The following EIF4A3 variants were observed in gnomAD, a reference collection of about 807,000 sequenced individuals.
The protein encoded by EIF4A3 is eukaryotic initiation factor 4A-III.
In EIF4A3, 1 loss-of-function variant was observed where a neutral mutation model predicts 55.6. The ratio of observed to expected loss-of-function variants is 0.02; its 90% confidence interval spans 0.01 to 0.09. EIF4A3 has a LOEUF of 0.09. EIF4A3 is among the 10% of genes least tolerant of loss of function. The pLI is 1.00. For missense variants in EIF4A3, 221 were observed against 540.7 expected, an observed-to-expected ratio of 0.41 and a Z score of 5.86; for synonymous variants, 194 against 196.3, an observed-to-expected ratio of 0.99 and a Z score of 0.10.
rs1484198922 is a variant in EIF4A3 at position 80,139,086 on chromosome 17, C to A, written c.663G>T (p.Leu221=). The A allele has an allele frequency of 5.0e-6, 8 of 1,614,088 alleles. No homozygotes were observed. The highest frequency in any genetic ancestry group is 1.7e-5 in the Admixed American group (1 of 60,000). ...TGGTCATCTCCAGAATCTCGTGTGG[C>A]AGCGTGGCACTGATGAGAACCACCT... The part of the protein sequence containing the change: ...ATQVVLISAT[L]PHEILEMTNK... The change falls in exon 7 of 12, where the codon CTG becomes CTT. Residue 221 remains leucine, a synonymous_variant. Coordinates refer to ENST00000649764, the MANE Select transcript of EIF4A3 (RefSeq NM_014740.4).
intron 9 of EIF4A3, 88 bp downstream of exon 9, chr17:80,137,298 T>C: frequency 8.7e-7 from 1 of 1,144,070 alleles, no homozygotes; most frequent in Admixed American, 2.6e-5. Flanking sequence ...CCCCCGGGTG[T>C]GGGGCCTGCA....
rs966429518 is a variant in EIF4A3 at position 80,135,012 on chromosome 17, C to T, written c.*478G>A. On this transcript the variant is annotated 3_prime_UTR_variant, in exon 12 of 12. Coordinates refer to ENST00000649764, the MANE Select transcript of EIF4A3 (RefSeq NM_014740.4). ...TGAAAATACAAAAAAATTAGCCTGG[C>T]ATGGTGGCGGCCGCCTGTACTCCCA... 1.3e-4 allele frequency among the ~76,000 whole-genome samples: 20 copies of T among 151,788 alleles called. No individual in the cohort carries two copies. The highest frequency in any genetic ancestry group is 1.9e-4 in the East Asian group (1 of 5,172).
chr17:80,139,760 G>A lies in EIF4A3; in HGVS notation c.506-10C>T, dbSNP rs1567849327. On this transcript the variant is annotated splice_polypyrimidine_tract_variant and intron_variant, in intron 5 of 11. Transcript: ENST00000649764. ...CTGCGACGAATCATATCTATAACAT[G>A]AGATTTTGAAATACTTACGACAAAT... is the stretch of plus-strand genomic sequence containing the variant. 2 of 1,611,282 alleles carry A rather than the reference G, an allele frequency of 1.2e-6. No individual in the cohort carries two copies. Among genetic ancestry groups the A allele is most frequent in the Middle Eastern group, 1.7e-4 (1 of 6,046 alleles).
At chr17:80,140,336 C>G (rs1389030875) in intron 4 of EIF4A3, 196 bp from the exon 5 acceptor site, 1 of 575,368 alleles carries the variant, frequency 1.7e-6, no homozygotes, top group African/African-American at 2.3e-5. Flanking sequence ...TTTTTTGAGA[C>G]GGAGTCTCAC....
Position 80,146,921 on chromosome 17 carries a change from C to A in EIF4A3, c.41G>T (p.Arg14Leu). 6.2e-7 allele frequency: 1 copy of A among 1,609,388 alleles called. No individual in the cohort carries two copies. Among genetic ancestry groups the A allele is most frequent in the Non-Finnish European group, 8.5e-7 (1 of 1,178,424 alleles). Residue 14 changes from arginine (R) to leucine (L), a missense_variant, in exon 1 of 12, where the codon CGA becomes CTA. Physicochemically the swap from Arg to Leu is moderately radical, Grantham distance 102. This residue lies in a region of EIF4A3 where 43 missense variants were observed against 39.1 expected (regional missense o/e 1.10). Coordinates refer to ENST00000649764, the MANE Select transcript of EIF4A3 (RefSeq NM_014740.4). ...GTCTTCCTCTTTGAGCAGCCGCTTT[C>A]GCGCCGAGCCCGAGGTCGCCATCGT... ...TATMATSGSA[R>L]KRLLKEEDMT...
intron 2 of EIF4A3, among the ~76,000 whole-genome samples, chr17:80,143,065 A>C (rs1031407908): frequency 1.3e-5 from 2 of 152,092 alleles, no homozygotes; most frequent in Non-Finnish European, 2.9e-5. Flanking sequence ...TTTTTTTAAA[A>C]AGCATTATGG....
rs373315661 is a variant in EIF4A3 at position 80,139,116 on chromosome 17, G to A, written c.633C>T (p.Ala211=). 8.7e-6 allele frequency: 14 copies of A among 1,613,956 alleles called. No individual in the cohort carries two copies. In the African/African-American group the frequency reaches 1.9e-4, roughly 22 times the overall value. Residue 211 remains alanine, a synonymous_variant, in exon 7 of 12, where the codon GCC becomes GCT. Transcript: ENST00000649764. ...IYDVYRYLPP[A]TQVVLISATL... ...TGGCACTGATGAGAACCACCTGTGT[G>A]GCTGGAGGCAGGTACCTGTATACAT...
chr17:80,145,660 T>C (rs1322099549), intron 1 of EIF4A3, among the ~76,000 whole-genome samples: 1 of 152,136 alleles, frequency 6.6e-6, no homozygotes, highest in Admixed American at 6.6e-5. Context: ...TGCTGGTCAT[T>C]CCCATCTATG....
rs554425896 is a variant in EIF4A3 at position 80,138,384 on chromosome 17, C to T, written c.729-104G>A. The stretch of plus-strand genomic sequence containing the variant: ...GAGACCCTGGTGGAAAAGGTCACAC[C>T]GTGATATCTGGTGCAGACCCAGCAG... On this transcript the variant is annotated intron_variant, in intron 7 of 11. Coordinates refer to ENST00000649764, the MANE Select transcript of EIF4A3 (RefSeq NM_014740.4). 22 of 1,444,858 alleles carry T rather than the reference C, an allele frequency of 1.5e-5. No homozygotes were observed. The East Asian group carries it at 2.7e-4, about 18-fold the overall frequency. The allele number at this position is 1,444,858 out of a possible 1,614,324, so 89.5% of individuals were successfully genotyped here.
intron 1 of EIF4A3, 59 bp downstream of exon 1, chr17:80,146,734 A>AGCCCCCGGCTCGCCCCCGACTC: frequency 1.3e-6 from 2 of 1,560,710 alleles, no homozygotes; most frequent in Non-Finnish European, 1.7e-6. Context: ...TCTGGCCCTC[A>AGCCCCCGGCTCGCCCCCGACTC]GCCCCCGGCT....
Position 80,139,002 on chromosome 17 carries a change from T to C in EIF4A3, c.728+19A>G, listed in dbSNP as rs1460917485. ...ATGCGGCCCAGTGTTTTAGTAAACT[T>C]GACAAGAGGGGCTCCTACCGTTTCA... On this transcript the variant is annotated intron_variant, in intron 7 of 11. Transcript: ENST00000649764. The C allele has an allele frequency of 3.7e-6, 6 of 1,612,352 alleles. No homozygotes were observed. The highest frequency in any genetic ancestry group is 5.1e-6 in the Non-Finnish European group (6 of 1,179,132).
At chr17:80,137,136 G>T in intron 9 of EIF4A3, 1 of 352,730 alleles carries the variant, frequency 2.8e-6, no homozygotes, top group South Asian at 1.0e-4. Context: ...TGGAAAAGAA[G>T]ACACACGCTT....
rs1201232486 is a variant in EIF4A3 at position 80,136,718 on chromosome 17, C to T, written c.984-383G>A. On this transcript the variant is annotated intron_variant, in intron 9 of 11. Transcript: ENST00000649764. ...CGGCGGCTTATGCCTGTAATCCCAGCACTGCCAGAGGCTGAGGCAGATGGA... is the reference window on the plus strand; with the variant it reads ...CGGCGGCTTATGCCTGTAATCCCAGTACTGCCAGAGGCTGAGGCAGATGGA... 7.5e-5 allele frequency: 14 copies of T among 187,094 alleles called. No homozygotes were observed. In the East Asian group the frequency reaches 1.9e-3, roughly 26 times the overall value. 11.6% of individuals were successfully genotyped at this position (187,094 alleles called of 1,614,324 possible). A position where few individuals can be genotyped will look rare whatever the true frequency, so the allele number is the denominator to read the frequency against.
At chr17:80,139,905 A>G (rs1220739310) in intron 5 of EIF4A3, 103 bp downstream of exon 5, 3 of 1,539,804 alleles carry the variant, frequency 1.9e-6, no homozygotes, top group Non-Finnish European at 2.6e-6. Context: ...CCAGGTGCAA[A>G]AGTCTACCGT....
At chr17:80,135,794 C>A in intron 11 of EIF4A3, 1 of 639,094 alleles carries the variant, frequency 1.6e-6, no homozygotes, top group Non-Finnish European at 2.7e-6. Flanking sequence ...ACTCAGGAGG[C>A]TGAGGCAGGA....
At chr17:80,137,575 C>T in intron 8 of EIF4A3, 74 bp from the exon 9 acceptor site, 1 of 1,117,004 alleles carries the variant, frequency 9.0e-7, no homozygotes, top group South Asian at 1.4e-5. Flanking sequence ...GACTTTACCG[C>T]ATCATTTGCA....
rs186325795 is a variant in EIF4A3 at position 80,134,868 on chromosome 17, T to G, written c.*622A>C. 1.4e-3 allele frequency among the ~76,000 whole-genome samples: 215 copies of G among 151,400 alleles called. No individual in the cohort carries two copies. Among genetic ancestry groups the G allele is most frequent in the Non-Finnish European group, 2.6e-3 (175 of 67,846 alleles). The stretch of plus-strand genomic sequence containing the variant: ...AAAAAGATTAGAAAAGTGAGTGAAA[T>G]GGGCCGGGTGCAGTGGCTCACGCCT... On this transcript the variant is annotated 3_prime_UTR_variant, in exon 12 of 12. Coordinates refer to ENST00000649764, the MANE Select transcript of EIF4A3 (RefSeq NM_014740.4).
At chr17:80,135,919 A>G in intron 11 of EIF4A3, 85 bp downstream of exon 11, 1 of 1,542,480 alleles carries the variant, frequency 6.5e-7, no homozygotes. Flanking sequence ...AAAACCCACA[A>G]CAACAAAAAA....
chr17:80,143,186 G>A (rs1324113853), intron 2 of EIF4A3, among the ~76,000 whole-genome samples: 1 of 152,136 alleles, frequency 6.6e-6, no homozygotes, highest in African/African-American at 2.4e-5. Flanking sequence ...CTTCTAGATG[G>A]CTGAACACAG....
Sources: allele counts gnomAD v4.1 joint callset (sites outside exome capture counted in the v4.1 genomes callset), GRCh38; gene constraint gnomAD v4.1.1; regional missense constraint gnomAD v4.1.1; transcripts MANE v1.5; gene names NCBI Gene and HGNC (gene_info 2026-07-23, HGNC 2026-07-21).